The following TNIP2 variants were observed in gnomAD, a reference collection of about 807,000 sequenced individuals.
TNIP2 encodes the protein TNFAIP3-interacting protein 2.
In TNIP2, 30 loss-of-function variants were observed where a neutral mutation model predicts 43.7. That is an observed-to-expected ratio of 0.69 (90% CI 0.51 to 0.93). The LOEUF (loss-of-function observed/expected upper bound fraction) is 0.93. Ranked by LOEUF, TNIP2 falls within the 40% of genes least tolerant of loss-of-function variation. The probability of loss-of-function intolerance (pLI) is 0.00; values close to 1 mark genes in which losing one functional copy is unlikely to be tolerated. For missense variants in TNIP2, 599 were observed against 591.0 expected (o/e 1.01, Z -0.14); for synonymous variants, 260 against 254.6 (o/e 1.02, Z -0.20).
In TNIP2 at chr4:2,745,483, T is replaced by C; in HGVS notation, c.620A>G (p.Gln207Arg). The change falls in exon 3 of 6, where the codon CAG becomes CGG. Residue 207 changes from glutamine to arginine, a missense_variant. By Grantham distance (43) the Gln-to-Arg change is conservative (BLOSUM62 1). Transcript: ENST00000315423. Reference sequence around the variant, plus strand: ...CTGTTTTAACAGTCGATTTTCTTCCTGCAACTTCTCAATAACACTCTGGAC... The same window carrying C: ...CTGTTTTAACAGTCGATTTTCTTCCCGCAACTTCTCAATAACACTCTGGAC... ...TSVQSVIEKLQEENRLLKQKV... is the reference protein window; with the variant it reads ...TSVQSVIEKLREENRLLKQKV... 6.2e-7 allele frequency: 1 copy of C among 1,613,938 alleles called. No individual in the cohort carries two copies. Among genetic ancestry groups the C allele is most frequent in the Non-Finnish European group, 8.5e-7 (1 of 1,179,862 alleles).
intron 1 of TNIP2, among the ~76,000 whole-genome samples, chr4:2,750,417 TTATTA>T: frequency 6.7e-6 from 1 of 149,194 alleles, no homozygotes; most frequent in South Asian, 2.1e-4. Context: ...ATTATTATTA[TTATTA>T]TTATTATTAT....
In TNIP2 at chr4:2,743,792, C is replaced by T. The variant is rs1721860227; in HGVS notation, c.1026+595G>A. Among the ~76,000 whole-genome samples, 5 of 152,308 alleles carry T rather than the reference C, an allele frequency of 3.3e-5. No individual in the cohort carries two copies. The South Asian group carries it at 1.0e-3, about 32-fold the overall frequency. On this transcript the variant is annotated intron_variant, in intron 5 of 5. Coordinates refer to ENST00000315423, the MANE Select transcript of TNIP2 (RefSeq NM_024309.4). ...TTGATGAGGAGCTACATAAACTTCT[C>T]CTGGATTTTTGCAGAGCACAAGTCA...
At position 2,742,509 on chromosome 4, in the gene TNIP2, C is replaced by T; in HGVS notation, c.1038G>A (p.Glu346=). Residue 346 remains glutamate, a synonymous_variant, in exon 6 of 6, where the codon GAG becomes GAA. Transcript: ENST00000315423. ...HQVSWRQDSR[E]PDAGRIHAGS... is the part of the protein sequence containing the mutation. The stretch of plus-strand genomic sequence containing the variant: ...CAGCGTGAATCCGGCCGGCGTCTGG[C>T]TCTCGAGAATCCTGGAGAAAAGGCA... The T allele has an allele frequency of 6.3e-7, 1 of 1,588,520 alleles. No homozygotes were observed. Among genetic ancestry groups the T allele is most frequent in the South Asian group, 1.1e-5 (1 of 88,594 alleles).
intron 1 of TNIP2, among the ~76,000 whole-genome samples, chr4:2,751,029 C>G (rs942100992): frequency 6.6e-6 from 1 of 152,236 alleles, no homozygotes; most frequent in Admixed American, 6.5e-5. Flanking sequence ...CTACGCTCAA[C>G]CCGTGGGGGC....
At position 2,747,780 on chromosome 4, in the gene TNIP2, C is replaced by T; in HGVS notation, c.442G>A (p.Ala148Thr). 6.2e-7 allele frequency: 1 copy of T among 1,612,084 alleles called. No individual in the cohort carries two copies. Among genetic ancestry groups the T allele is most frequent in the Non-Finnish European group, 8.5e-7 (1 of 1,180,032 alleles). The change falls in exon 2 of 6, where the codon GCC becomes ACC. Residue 148 changes from alanine to threonine, a missense_variant. Physicochemically the swap from Ala to Thr is moderately conservative, Grantham distance 58 (BLOSUM62 0). Coordinates refer to ENST00000315423, the MANE Select transcript of TNIP2 (RefSeq NM_024309.4). ...AASDVLCRSL[A>T]NETHQLRRTL... ...CTCCGCAGCTGATGGGTCTCGTTGGCCAAGGAGCGGCACAGGACGTCACTG... is the reference window on the plus strand; with the variant it reads ...CTCCGCAGCTGATGGGTCTCGTTGGTCAAGGAGCGGCACAGGACGTCACTG...
At chr4:2,754,144 C>T (rs1180146916) in intron 1 of TNIP2, among the ~76,000 whole-genome samples, 1 of 152,084 alleles carries the variant, frequency 6.6e-6, no homozygotes, top group Non-Finnish European at 1.5e-5. Context: ...TCTCTAAAAT[C>T]AGGCTGTGGG....
rs1301244229 is a variant in TNIP2, at chr4:2,756,243, G to A, written c.47C>T (p.Ala16Val). The A allele has an allele frequency of 4.1e-6, 6 of 1,450,326 alleles. No homozygotes were observed. In the South Asian group the frequency reaches 5.3e-5, roughly 13 times the overall value. The allele number at this position is 1,450,326 out of a possible 1,614,324, so 89.8% of individuals were successfully genotyped here. A position where few individuals can be genotyped will look rare whatever the true frequency, so the allele number is the denominator to read the frequency against. ...GTACAGGGTGCAGAGCGCGGCAGCT[G>A]CGCGCGGGGCCTCCTCCCAGCCGCC... is the stretch of plus-strand genomic sequence containing the variant. ...GSGGWEEAPR[A>V]AAALCTLYHE... is the part of the protein sequence containing the mutation. Residue 16 changes from alanine (A) to valine (V), a missense_variant, in exon 1 of 6, where the codon GCA becomes GTA. Coordinates refer to ENST00000315423, the MANE Select transcript of TNIP2 (RefSeq NM_024309.4).
Position 2,741,858 on chromosome 4 carries a change from G to A in TNIP2, c.*399C>T, listed in dbSNP as rs867786462. The A allele has an allele frequency of 2.3e-5, 4 of 171,468 alleles. No individual in the cohort carries two copies. Among genetic ancestry groups the A allele is most frequent in the South Asian group, 2.0e-4 (1 of 5,010 alleles). 10.6% of individuals were successfully genotyped at this position (171,468 alleles called of 1,614,324 possible). A position where few individuals can be genotyped will look rare whatever the true frequency, so the allele number is the denominator to read the frequency against. On this transcript the variant is annotated 3_prime_UTR_variant, in exon 6 of 6. Transcript: ENST00000315423. ...GACTGGTTCGAGGCAGAGAGGCGAC[G>A]CTTTATTCCATAGAACAGGATGGGG...
chr4:2,747,545 G>A lies in TNIP2; in HGVS notation c.567+110C>T, dbSNP rs116772409. The A allele has an allele frequency of 2.7e-3, 3,027 of 1,129,312 alleles. 51 individuals are homozygous for A. In the African/African-American group the frequency reaches 0.041, roughly 15 times the overall value. 70.0% of individuals were successfully genotyped at this position (1,129,312 alleles called of 1,614,324 possible). On this transcript the variant is annotated intron_variant, in intron 2 of 5. Transcript: ENST00000315423. ...CCCGTCAGCTGACTCTCGTTACTGAGAACAGAAGTGGGTTCTGGGGCGCCC... is the reference window on the plus strand; with the variant it reads ...CCCGTCAGCTGACTCTCGTTACTGAAAACAGAAGTGGGTTCTGGGGCGCCC...
intron 1 of TNIP2, 123 bp downstream of exon 1, chr4:2,755,891 C>T (rs1298682813): frequency 4.7e-5 from 62 of 1,306,334 alleles, no homozygotes; most frequent in Non-Finnish European, 1.2e-5. Context: ...GCCAACTCAA[C>T]CCCAGGACCC....
intron 1 of TNIP2, 51 bp downstream of exon 1, chr4:2,755,963 C>T (rs1300330694): frequency 1.1e-5 from 16 of 1,487,546 alleles, no homozygotes; most frequent in Non-Finnish European, 1.4e-5. Context: ...GACCCGGCGG[C>T]CGCCACACGC....
At position 2,744,553 on chromosome 4, in the gene TNIP2, G is replaced by A. The variant is rs1721884839; in HGVS notation, c.907-47C>T. ...ATTTCTGCTCAAGGAAGGAGGAAGC[G>A]CCCCACCAGGCTTCTCCCACCCCCA... On this transcript the variant is annotated intron_variant, in intron 4 of 5. Transcript: ENST00000315423. This position sits in a 1 kb window ranked among gnomAD's most constrained non-coding sequence, Gnocchi z 5.1. 4.3e-6 allele frequency: 7 copies of A among 1,611,210 alleles called. No individual in the cohort carries two copies. The highest frequency in any genetic ancestry group is 2.2e-5 in the East Asian group (1 of 44,846).
Position 2,741,882 on chromosome 4 carries a change from G to A in TNIP2, c.*375C>T, listed in dbSNP as rs1396390517. The A allele has an allele frequency of 1.6e-5, 3 of 186,078 alleles. No individual in the cohort carries two copies. The East Asian group carries it at 3.8e-4, about 24-fold the overall frequency. 11.5% of individuals were successfully genotyped at this position (186,078 alleles called of 1,614,324 possible). On this transcript the variant is annotated 3_prime_UTR_variant, in exon 6 of 6. Transcript: ENST00000315423. Reference sequence around the variant, plus strand: ...CGCTTTATTCCATAGAACAGGATGGGGCTCCCACCCTGGGGACCATACAAG... The same window carrying A: ...CGCTTTATTCCATAGAACAGGATGGAGCTCCCACCCTGGGGACCATACAAG...
At chr4:2,750,681 T>TG (rs1722079498) in intron 1 of TNIP2, among the ~76,000 whole-genome samples, 1 of 147,460 alleles carries the variant, frequency 6.8e-6, no homozygotes, top group Admixed American at 7.1e-5. Context: ...GACTTCTGGT[T>TG]TTTTTTTTTT....
At chr4:2,752,771 C>T (rs903192052) in intron 1 of TNIP2, among the ~76,000 whole-genome samples, 2 of 152,204 alleles carry the variant, frequency 1.3e-5, no homozygotes, top group Non-Finnish European at 1.5e-5. Context: ...AAGGCCAGCA[C>T]AGTGGCTCAC....
intron 1 of TNIP2, 35 bp from the exon 2 acceptor site, chr4:2,747,980 T>A: frequency 6.3e-7 from 1 of 1,596,828 alleles, no homozygotes; most frequent in Non-Finnish European, 8.5e-7. Flanking sequence ...GTTTACTGAA[T>A]TAAAAGAAGC....
intron 1 of TNIP2, 68 bp from the exon 2 acceptor site, chr4:2,748,013 A>C: frequency 6.5e-7 from 1 of 1,540,088 alleles, no homozygotes; most frequent in Non-Finnish European, 8.8e-7. Context: ...AAATGTTCAG[A>C]AAGCAAAAGA....
intron 3 of TNIP2, 75 bp downstream of exon 3, chr4:2,745,371 C>T: frequency 8.7e-7 from 1 of 1,154,182 alleles, no homozygotes; most frequent in Non-Finnish European, 1.3e-6. Context: ...CTCTGGGCAT[C>T]AGCCAAGGAA....
In TNIP2 at chr4:2,744,032, A is replaced by G. The variant is rs894687048; in HGVS notation, c.1026+355T>C. 6.6e-6 allele frequency among the ~76,000 whole-genome samples: 1 copy of G among 152,212 alleles called. No homozygotes were observed. Among genetic ancestry groups the G allele is most frequent in the African/African-American group, 2.4e-5 (1 of 41,462 alleles). ...GCCATCACATCTACATGACAAGGTA[A>G]GCGGGGTTCCCGTCTCACAGACAGG... On this transcript the variant is annotated intron_variant, in intron 5 of 5. Coordinates refer to ENST00000315423, the MANE Select transcript of TNIP2 (RefSeq NM_024309.4). This position sits in a 1 kb window ranked among gnomAD's most constrained non-coding sequence, Gnocchi z 5.1.
Sources: gnomAD v4.1 joint callset for allele counts (sites outside exome capture counted in the v4.1 genomes callset) on GRCh38, gnomAD v4.1.1 for gene constraint, Gnocchi (gnomAD v3.1) non-coding constraint, MANE v1.5 for transcripts, NCBI Gene and HGNC (gene_info 2026-07-23, HGNC 2026-07-21) for gene names.